The following CAMKMT variants were observed in gnomAD, a reference collection of about 807,000 sequenced individuals.
CAMKMT encodes the protein CaM KMT.
In CAMKMT, 53 loss-of-function variants were observed where a neutral mutation model predicts 48.0. The ratio of observed to expected loss-of-function variants is 1.10; its 90% CI spans 0.89 to 1.39. The LOEUF is 1.39. CAMKMT is among the 40% of genes most tolerant of loss of function. CAMKMT has a pLI of 0.00. For synonymous variants in CAMKMT, 165 were observed against 152.3 expected, an observed-to-expected ratio of 1.08 and a Z score of -0.61; for missense variants, 428 against 402.7, an observed-to-expected ratio of 1.06 and a Z score of -0.54.
chr2:44,459,402 ATTG>A (rs1667739087), intron 3 of CAMKMT, among the ~76,000 whole-genome samples: 4 of 152,018 alleles, frequency 2.6e-5, no homozygotes, highest in Admixed American at 2.6e-4. Context: ...GTTGTTATAG[ATTG>A]TTGTTTTTCT....
intron 3 of CAMKMT, among the ~76,000 whole-genome samples, chr2:44,475,960 C>T (rs548253558): frequency 7.0e-4 from 107 of 152,208 alleles, no homozygotes; most frequent in East Asian, 1.5e-3. Flanking sequence ...CTTTTTGTTT[C>T]TTATCATATA....
At chr2:44,518,781 G>A (rs1344755527) in intron 3 of CAMKMT, among the ~76,000 whole-genome samples, 5 of 152,142 alleles carry the variant, frequency 3.3e-5, no homozygotes, top group African/African-American at 4.8e-5. Flanking sequence ...CTAGGTAGAC[G>A]TACCCAGATG....
intron 8 of CAMKMT, among the ~76,000 whole-genome samples, chr2:44,744,398 G>A (rs1340182785): frequency 3.3e-5 from 5 of 152,128 alleles, no homozygotes; most frequent in Admixed American, 6.5e-5. Context: ...CTGATCGTAA[G>A]TTACAGGATA....
At chr2:44,419,734 T>C (rs1683800998) in intron 3 of CAMKMT, among the ~76,000 whole-genome samples, 1 of 152,158 alleles carries the variant, frequency 6.6e-6, no homozygotes, top group Non-Finnish European at 1.5e-5. Context: ...GCTAAAAATG[T>C]TATTTTTCCA....
At chr2:44,757,350 T>G (rs1680425369) in intron 9 of CAMKMT, among the ~76,000 whole-genome samples, 2 of 152,112 alleles carry the variant, frequency 1.3e-5, no homozygotes, top group South Asian at 4.1e-4. Flanking sequence ...AATCCTGCAT[T>G]CTCCTCGCAG....
At chr2:44,569,284 T>C (rs1279291705) in intron 3 of CAMKMT, among the ~76,000 whole-genome samples, 1 of 152,180 alleles carries the variant, frequency 6.6e-6, no homozygotes, top group Non-Finnish European at 1.5e-5. Context: ...GCTTACATGG[T>C]AAAGGTCTAT....
chr2:44,686,456 A>G (rs1676345466), intron 3 of CAMKMT, among the ~76,000 whole-genome samples: 1 of 152,152 alleles, frequency 6.6e-6, no homozygotes, highest in Admixed American at 6.5e-5. Context: ...TTTAGTTCAT[A>G]GTAATGAACC....
At chr2:44,457,571 GTA>G (rs1294507188) in intron 3 of CAMKMT, among the ~76,000 whole-genome samples, 1 of 151,840 alleles carries the variant, frequency 6.6e-6, no homozygotes, top group Non-Finnish European at 1.5e-5. Context: ...GCTAATTTTT[GTA>G]TTTTTAGTAG....
chr2:44,400,795 T>G (rs1218574407), intron 3 of CAMKMT: 1 of 151,444 alleles, frequency 6.6e-6, no homozygotes, highest in African/African-American at 2.4e-5. Context: ...AGAAAGCGTA[T>G]TTTTGAAACA....
intron 3 of CAMKMT, among the ~76,000 whole-genome samples, chr2:44,662,325 A>C (rs537361187): frequency 6.6e-6 from 1 of 152,218 alleles, no homozygotes; most frequent in Non-Finnish European, 1.5e-5. Context: ...TTGAACGACT[A>C]TAAGAGGAGA....
intron 7 of CAMKMT, among the ~76,000 whole-genome samples, chr2:44,740,131 T>C (rs1679592916): frequency 6.6e-6 from 1 of 150,806 alleles, no homozygotes; most frequent in Non-Finnish European, 1.5e-5. Context: ...TGCATTTTTT[T>C]TTTTTTTTTT....
chr2:44,493,179 G>A (rs1026821502), intron 3 of CAMKMT, among the ~76,000 whole-genome samples: 2 of 152,096 alleles, frequency 1.3e-5, no homozygotes, highest in African/African-American at 4.8e-5. Context: ...ACAGGCATGA[G>A]CCACTGCACC....
At chr2:44,633,173 A>G (rs889470854) in intron 3 of CAMKMT, among the ~76,000 whole-genome samples, 11 of 152,068 alleles carry the variant, frequency 7.2e-5, no homozygotes, top group African/African-American at 2.7e-4. Flanking sequence ...GTTATTTTGA[A>G]TGTACTGTCT....
At chr2:44,733,466 A>G (rs957523187) in intron 7 of CAMKMT, among the ~76,000 whole-genome samples, 1 of 152,176 alleles carries the variant, frequency 6.6e-6, no homozygotes, top group Non-Finnish European at 1.5e-5. Context: ...AGGGACTGTA[A>G]TCTCCAGTGC....
At chr2:44,411,746 C>A (rs928318958) in intron 3 of CAMKMT, among the ~76,000 whole-genome samples, 1 of 151,906 alleles carries the variant, frequency 6.6e-6, no homozygotes, top group East Asian at 1.9e-4. Context: ...AAATTCCATT[C>A]ATCAAACTAT....
chr2:44,460,170 C>G (rs551713514), intron 3 of CAMKMT, among the ~76,000 whole-genome samples: 2 of 152,258 alleles, frequency 1.3e-5, no homozygotes, highest in Admixed American at 6.5e-5. Context: ...ATAATCAAAG[C>G]TTCTCATTTT....
intron 3 of CAMKMT, among the ~76,000 whole-genome samples, chr2:44,660,601 A>C (rs1674627554): frequency 6.6e-6 from 1 of 152,198 alleles, no homozygotes; most frequent in Admixed American, 6.5e-5. Flanking sequence ...TTCCTTGAAG[A>C]TCTGGCCAAT....
chr2:44,371,558 A>C (rs1014923867), intron 1 of CAMKMT, among the ~76,000 whole-genome samples: 1 of 152,166 alleles, frequency 6.6e-6, no homozygotes, highest in African/African-American at 2.4e-5. Context: ...TTTTATATCT[A>C]AGATTTTTCT....
intron 3 of CAMKMT, among the ~76,000 whole-genome samples, chr2:44,615,929 T>C (rs904268913): frequency 1.3e-5 from 2 of 152,142 alleles, no homozygotes; most frequent in African/African-American, 4.8e-5. Context: ...CAGTATGTTT[T>C]CAGCAAATGC....
Sources: gnomAD v4.1 joint callset for allele counts (sites outside exome capture counted in the v4.1 genomes callset) on GRCh38, gnomAD v4.1.1 for gene constraint, MANE v1.5 for transcripts, NCBI Gene and HGNC (gene_info 2026-07-23, HGNC 2026-07-21) for gene names.